The following EFCAB6 variants were observed in gnomAD, a reference collection of about 807,000 sequenced individuals.
EFCAB6 encodes EF-hand calcium binding domain 6.
A neutral mutation model predicts 169.8 loss-of-function variants in EFCAB6; 156 were observed. The observed-to-expected ratio is 0.92, with a 90% CI of 0.81 to 1.05. EFCAB6 has a LOEUF of 1.05. Ranked by LOEUF, EFCAB6 falls within the 50% of genes least tolerant of loss-of-function variation. The pLI is 0.00. For synonymous variants in EFCAB6, 698 were observed against 676.4 expected (o/e 1.03, Z -0.50); for missense variants, 1,800 against 1,829.1 (o/e 0.98, Z 0.29).
intron 6 of EFCAB6, among the ~76,000 whole-genome samples, chr22:43,748,936 C>T (rs1037007721): frequency 5.3e-5 from 8 of 152,080 alleles, no homozygotes; most frequent in Admixed American, 2.0e-4. Context: ...ATGTTTTGAA[C>T]GGATAACTCT....
intron 27 of EFCAB6, 101 bp downstream of exon 27, chr22:43,554,768 T>A (rs1003564743): frequency 9.8e-7 from 1 of 1,021,432 alleles, no homozygotes; most frequent in African/African-American, 1.6e-5. Context: ...GCAAGCATTT[T>A]AAAAATAGAG....
chr22:43,749,564 T>G (rs955884383), intron 6 of EFCAB6, among the ~76,000 whole-genome samples: 1 of 151,924 alleles, frequency 6.6e-6, no homozygotes, highest in African/African-American at 2.4e-5. Flanking sequence ...CATGCGCAGT[T>G]CACAATAGGG....
intron 2 of EFCAB6, among the ~76,000 whole-genome samples, chr22:43,807,989 C>A (rs537672808): frequency 1.3e-5 from 2 of 152,320 alleles, no homozygotes; most frequent in Non-Finnish European, 2.9e-5. Context: ...AGTTAATTAA[C>A]CTCCTCCTGA....
chr22:43,793,947 G>A (rs1055105632), intron 2 of EFCAB6, among the ~76,000 whole-genome samples: 2 of 152,008 alleles, frequency 1.3e-5, no homozygotes, highest in African/African-American at 2.4e-5. Context: ...TCAAAGGGCC[G>A]TGAAAGCAAG....
At chr22:43,643,365 A>G (rs922189370) in intron 17 of EFCAB6, among the ~76,000 whole-genome samples, 3 of 152,266 alleles carry the variant, frequency 2.0e-5, no homozygotes, top group Non-Finnish European at 4.4e-5. Context: ...TCATAGACTC[A>G]GCACTGGAAG....
intron 17 of EFCAB6, among the ~76,000 whole-genome samples, chr22:43,637,756 G>A (rs1009903176): frequency 6.6e-6 from 1 of 152,220 alleles, no homozygotes; most frequent in Non-Finnish European, 1.5e-5. Context: ...AGAGGAGCCT[G>A]TCCCAGCACA....
intron 2 of EFCAB6, among the ~76,000 whole-genome samples, chr22:43,807,705 T>TAAATTGGAAA (rs1003567329): frequency 1.3e-5 from 2 of 152,214 alleles, no homozygotes; most frequent in African/African-American, 4.8e-5. Context: ...ATCACTCGAC[T>TAAATTGGAAA]AAATTGGAAA....
At chr22:43,716,140 C>A (rs1249103971) in intron 9 of EFCAB6, among the ~76,000 whole-genome samples, 3 of 152,110 alleles carry the variant, frequency 2.0e-5, no homozygotes, top group Non-Finnish European at 2.9e-5. Context: ...TACATGTTTA[C>A]CCACATTACT....
chr22:43,548,912 A>C (rs970923316), intron 27 of EFCAB6, among the ~76,000 whole-genome samples: 8 of 152,218 alleles, frequency 5.3e-5, no homozygotes, highest in African/African-American at 1.9e-4. Context: ...AGTATTTCTA[A>C]GAACTGATGT....
In EFCAB6 at chr22:43,727,010, A is replaced by G. The variant is rs541907217; in HGVS notation, c.757+4689T>C. Reference sequence around the variant, plus strand: ...AAAACCTCAGGAAACTGTGATTCACATTCAAGAAGAAAGGTAATCAATAAA... The same window carrying G: ...AAAACCTCAGGAAACTGTGATTCACGTTCAAGAAGAAAGGTAATCAATAAA... On this transcript the variant is annotated intron_variant, in intron 8 of 31. Coordinates refer to ENST00000262726, the MANE Select transcript of EFCAB6 (RefSeq NM_022785.4). Among the ~76,000 whole-genome samples, 3 of 152,392 alleles carry G rather than the reference A, an allele frequency of 2.0e-5. No homozygotes were observed. The East Asian group carries it at 5.8e-4, about 29-fold the overall frequency.
intron 25 of EFCAB6, among the ~76,000 whole-genome samples, chr22:43,578,735 A>T (rs1569188567): frequency 6.6e-6 from 1 of 151,902 alleles, no homozygotes; most frequent in East Asian, 1.9e-4. Flanking sequence ...CACAGGCATC[A>T]TTCCCTACAC....
In EFCAB6 at chr22:43,537,108, C is replaced by T. The variant is rs1472929335; in HGVS notation, c.4048+269G>A. 2 of 341,608 alleles carry T rather than the reference C, an allele frequency of 5.9e-6. No individual in the cohort carries two copies. Among genetic ancestry groups the T allele is most frequent in the African/African-American group, 4.1e-5 (2 of 48,256 alleles). 21.2% of individuals were successfully genotyped at this position (341,608 alleles called of 1,614,324 possible). A position where few individuals can be genotyped will look rare whatever the true frequency, so the allele number is the denominator to read the frequency against. On this transcript the variant is annotated intron_variant, in intron 29 of 31. Transcript: ENST00000262726. This position sits in a 1 kb window ranked among gnomAD's most constrained non-coding sequence, Gnocchi z 4.3. The stretch of plus-strand genomic sequence containing the variant: ...AACATTCACACTCTGCCCAGGGTGG[C>T]AACCACTGTGATTTCTAAAGCTCAG...
At chr22:43,545,893 C>T (rs2048029341) in intron 27 of EFCAB6, among the ~76,000 whole-genome samples, 1 of 152,118 alleles carries the variant, frequency 6.6e-6, no homozygotes, top group South Asian at 2.1e-4. Flanking sequence ...TCAGGATTTC[C>T]CCCAGATTAA....
Position 43,590,151 on chromosome 22 carries a change from G to A in EFCAB6, c.2955C>T (p.Ser985=), listed in dbSNP as rs1210938030. ...KTDQSKTNYI[S]ICKMQEVLEE... ...CCAGCACTTCCTGCATCTTGCATAT[G>A]GATATGTAGTTGGTTTTGGATTGAT... Residue 985 remains serine (S), a synonymous_variant, in exon 24 of 32, where the codon TCC becomes TCT. Transcript: ENST00000262726. The A allele has an allele frequency of 1.1e-5, 17 of 1,614,172 alleles. No homozygotes were observed. Among genetic ancestry groups the A allele is most frequent in the Non-Finnish European group, 1.3e-5 (15 of 1,180,034 alleles).
At chr22:43,722,909 T>C in intron 8 of EFCAB6, among the ~76,000 whole-genome samples, 1 of 152,244 alleles carries the variant, frequency 6.6e-6, no homozygotes, top group South Asian at 2.1e-4. Flanking sequence ...TGCAGCAACA[T>C]GCATGGAGCT....
At chr22:43,772,833 CT>C (rs968259062) in intron 4 of EFCAB6, 58 bp downstream of exon 4, 8 of 1,589,044 alleles carry the variant, frequency 5.0e-6, no homozygotes, top group Admixed American at 1.7e-5. Context: ...ACCTGCTCCC[CT>C]GATCTACCTC....
chr22:43,589,549 A>G (rs1033186618), intron 24 of EFCAB6, among the ~76,000 whole-genome samples: 1 of 152,140 alleles, frequency 6.6e-6, no homozygotes, highest in Non-Finnish European at 1.5e-5. Context: ...GCACTTTGGG[A>G]GACTGAGGTG....
chr22:43,566,282 T>C (rs972666124), intron 26 of EFCAB6, among the ~76,000 whole-genome samples: 1 of 152,236 alleles, frequency 6.6e-6, no homozygotes, highest in Non-Finnish European at 1.5e-5. Flanking sequence ...TCTGGTGGCA[T>C]AACTGCTGCC....
At chr22:43,602,770 A>G (rs1393058667) in intron 22 of EFCAB6, among the ~76,000 whole-genome samples, 2 of 152,060 alleles carry the variant, frequency 1.3e-5, no homozygotes, top group Admixed American at 6.6e-5. Context: ...TCCTAAGTCA[A>G]AAGAACCACA....
Sources: allele counts gnomAD v4.1 joint callset (sites outside exome capture counted in the v4.1 genomes callset), GRCh38; gene constraint gnomAD v4.1.1; non-coding constraint Gnocchi (gnomAD v3.1); transcripts MANE v1.5; gene names NCBI Gene and HGNC (gene_info 2026-07-23, HGNC 2026-07-21).